Variants in GPHN observed in about 807,000 individuals in gnomAD.
The protein encoded by GPHN is gephyrin.
A neutral mutation model predicts 95.5 loss-of-function variants in GPHN; 17 were observed. The observed-to-expected ratio is 0.18, with a 90% CI of 0.12 to 0.27. The LOEUF is 0.27. Ranked by LOEUF, GPHN falls within the 10% of genes least tolerant of loss-of-function variation. The pLI, the probability that GPHN is intolerant of heterozygous loss-of-function variation, is 1.00. For missense variants in GPHN, 660 were observed against 978.1 expected (o/e 0.67, Z 4.34); for synonymous variants, 320 against 322.5 (o/e 0.99, Z 0.08).
intron 9 of GPHN, chr14:66,969,949 C>T (rs2069632832): frequency 6.6e-6 from 1 of 151,924 alleles, no homozygotes; most frequent in East Asian, 1.9e-4. Flanking sequence ...TTTTTAAACA[C>T]TAATTTTATT....
At position 67,098,090 on chromosome 14, in the gene GPHN, A is replaced by G. The variant is rs535423403; in HGVS notation, c.1238-2766A>G. Among the ~76,000 whole-genome samples, 365 of 152,268 alleles carry G rather than the reference A, an allele frequency of 2.4e-3. 4 individuals carry two copies. The highest frequency in any genetic ancestry group is 8.3e-3 in the African/African-American group (343 of 41,558). Reference sequence around the variant, plus strand: ...ACACACCATCATGGCACATGTATACATATGTAACAAACCTGCACGTTGTGC... The same window carrying G: ...ACACACCATCATGGCACATGTATACGTATGTAACAAACCTGCACGTTGTGC... On this transcript the variant is annotated intron_variant, in intron 12 of 22. Coordinates refer to ENST00000478722, the MANE Select transcript of GPHN (RefSeq NM_020806.5).
At chr14:67,393,815 A>T in the GPHN span, among the ~76,000 whole-genome samples, 1,075 of 152,220 alleles carry the variant, frequency 7.1e-3, 12 homozygotes, top group African/African-American at 0.024. Flanking sequence ...CACCCCTCAT[A>T]AAGATGTTTA....
the GPHN span, among the ~76,000 whole-genome samples, chr14:67,232,816 A>C: frequency 6.6e-6 from 1 of 152,222 alleles, no homozygotes; most frequent in African/African-American, 2.4e-5. Context: ...CTGAGCTGAG[A>C]TAACAAGGCT....
At chr14:67,475,852 GCCACC>G in the GPHN span, among the ~76,000 whole-genome samples, 1 of 152,204 alleles carries the variant, frequency 6.6e-6, no homozygotes, top group Non-Finnish European at 1.5e-5. Context: ...ATTATCAGGT[GCCACC>G]CCAATGGCTT....
chr14:67,375,232 CTGTG>C, the GPHN span, among the ~76,000 whole-genome samples: 27,188 of 137,304 alleles, frequency 0.2, 2,792 homozygotes, highest in Admixed American at 0.27. Flanking sequence ...ATCCTCAGTT[CTGTG>C]TGTGTGTGTG....
At chr14:67,645,910 A>G in the GPHN span, 7 of 1,264,410 alleles carry the variant, frequency 5.5e-6, no homozygotes. Context: ...GTGGATTACC[A>G]CTCCTTCATT....
rs187315899 is a variant in GPHN at position 66,822,188 on chromosome 14, G to T, written c.202-2286G>T. Among the ~76,000 whole-genome samples the T allele has an allele frequency of 3.3e-5, 5 of 152,302 alleles. No homozygotes were observed. The East Asian group carries it at 7.7e-4, about 24-fold the overall frequency. ...GGTGGCCTCGATCTCCTGACCTCATGATCCACCCACCTCGGCCTCCCAAAG... is the reference window on the plus strand; with the variant it reads ...GGTGGCCTCGATCTCCTGACCTCATTATCCACCCACCTCGGCCTCCCAAAG... On this transcript the variant is annotated intron_variant, in intron 3 of 22. Transcript: ENST00000478722.
chr14:67,029,088 C>T (rs953355300), intron 10 of GPHN, among the ~76,000 whole-genome samples: 1 of 152,118 alleles, frequency 6.6e-6, no homozygotes, highest in African/African-American at 2.4e-5. Context: ...ATATGGCTAT[C>T]CAGTTTTCCC....
chr14:66,995,562 A>G (rs2071727734), intron 9 of GPHN, among the ~76,000 whole-genome samples: 1 of 152,206 alleles, frequency 6.6e-6, no homozygotes. Flanking sequence ...TTGTATTTTC[A>G]TTCATTAAAT....
At chr14:67,696,550 T>C in the GPHN span, among the ~76,000 whole-genome samples, 1 of 152,234 alleles carries the variant, frequency 6.6e-6, no homozygotes, top group African/African-American at 2.4e-5. Flanking sequence ...TGAGTGTTCA[T>C]TGATAATAGA....
chr14:66,590,238 G>A (rs892035417), intron 1 of GPHN, among the ~76,000 whole-genome samples: 3 of 152,046 alleles, frequency 2.0e-5, no homozygotes, highest in Non-Finnish European at 2.9e-5. Context: ...ATCTAACATC[G>A]ACACCCTAAC....
At chr14:67,573,426 C>CCACAT in the GPHN span, 7 of 1,159,650 alleles carry the variant, frequency 6.0e-6, no homozygotes, top group Non-Finnish European at 9.1e-6. The surrounding 1 kb of genome is among the most constrained non-coding windows in gnomAD (Gnocchi z 4.8). Context: ...CAAAAGGTCT[C>CCACAT]CACATCACAC....
chr14:66,985,609 C>T (rs1256733637), intron 9 of GPHN: 1 of 916,012 alleles, frequency 1.1e-6, no homozygotes, highest in Non-Finnish European at 1.7e-6. Flanking sequence ...GTATTACTTA[C>T]TAATGTATAG....
chr14:67,115,968 T>G (rs906543576), intron 16 of GPHN, among the ~76,000 whole-genome samples: 1 of 152,192 alleles, frequency 6.6e-6, no homozygotes, highest in African/African-American at 2.4e-5. Context: ...ATGGAATAGC[T>G]GATTTCTGTA....
At chr14:66,662,857 A>G (rs1425922518) in intron 1 of GPHN, among the ~76,000 whole-genome samples, 1 of 152,248 alleles carries the variant, frequency 6.6e-6, no homozygotes, top group Non-Finnish European at 1.5e-5. Context: ...AGAATAGACC[A>G]AGTGGAGGAA....
At chr14:66,617,702 TGA>T (rs1170412546) in intron 1 of GPHN, among the ~76,000 whole-genome samples, 1 of 152,222 alleles carries the variant, frequency 6.6e-6, no homozygotes, top group Non-Finnish European at 1.5e-5. Flanking sequence ...CCTAGGTCGC[TGA>T]GAGTTTTTTT....
the GPHN span, chr14:67,690,110 G>T: frequency 2.1e-6 from 2 of 952,318 alleles, 1 homozygote. Flanking sequence ...CACGGAAGCA[G>T]GTCCTCTCCA....
the GPHN span, chr14:67,198,922 G>T: frequency 4.3e-6 from 3 of 698,172 alleles, no homozygotes; most frequent in Admixed American, 4.0e-5. Context: ...CCATAACAAA[G>T]TCTAACACTA....
the GPHN span, among the ~76,000 whole-genome samples, chr14:67,261,848 T>C: frequency 2.6e-5 from 4 of 152,074 alleles, no homozygotes; most frequent in Non-Finnish European, 4.4e-5. Context: ...TGTTAGCATA[T>C]GTAACAGTGA....
Sources: gnomAD v4.1 joint callset for allele counts (sites outside exome capture counted in the v4.1 genomes callset) on GRCh38, gnomAD v4.1.1 for gene constraint, Gnocchi (gnomAD v3.1) non-coding constraint, MANE v1.5 for transcripts, NCBI Gene and HGNC (gene_info 2026-07-23, HGNC 2026-07-21) for gene names.